Variants in HK1 observed in about 807,000 individuals in gnomAD.
HK1 encodes the protein hexokinase 1, also known as hexokinase-1.
HK1 carries 28 observed loss-of-function variants against 91.6 expected under a neutral mutation model. The observed-to-expected ratio is 0.31, with a 90% CI of 0.23 to 0.42. HK1 has a LOEUF of 0.42. Among genes scored for constraint, HK1 ranks in the 10% least tolerant of loss-of-function variants. The probability of loss-of-function intolerance (pLI) is 1.00; values close to 1 mark genes in which losing one functional copy is unlikely to be tolerated. For synonymous variants in HK1, 430 were observed against 468.1 expected (o/e 0.92, Z 1.05); for missense variants, 770 against 1,219.8 (o/e 0.63, Z 5.49).
chr10:69,384,619 G>T, intron 11 of HK1, 138 bp downstream of exon 11: 1 of 1,412,610 alleles, frequency 7.1e-7, no homozygotes, highest in Non-Finnish European at 1.0e-6. Context: ...GATGCTTTTT[G>T]CCATGCCTGG....
At chr10:69,330,672 G>GGT (rs1365105217) in intron 1 of HK1, among the ~76,000 whole-genome samples, 1 of 151,910 alleles carries the variant, frequency 6.6e-6, no homozygotes, top group African/African-American at 2.4e-5. Flanking sequence ...CATTCAAGAA[G>GGT]GTGTCTACCT....
In HK1 at chr10:69,327,000, C is replaced by CTTT. The variant is rs1042738695; in HGVS notation, c.63+8010_63+8012dup. Among the ~76,000 whole-genome samples the CTTT allele has an allele frequency of 3.0e-3, 328 of 110,904 alleles. 4 individuals are homozygous for CTTT. The highest frequency in any genetic ancestry group is 4.4e-3 in the Non-Finnish European group (236 of 54,142). The allele number at this position is 110,904 out of a possible 152,430, so 72.8% of individuals were successfully genotyped here. On this transcript the variant is annotated intron_variant, in intron 1 of 17. Transcript: ENST00000359426. ...TGGTATTGCTTTGTGTGGTTTTAAACTTTTTTTTTTTTTTTTTTTTTTGAG... is the reference window on the plus strand; with the variant it reads ...TGGTATTGCTTTGTGTGGTTTTAAACTTTTTTTTTTTTTTTTTTTTTTTTTGAG...
At chr10:69,319,814 C>T (rs1402288004) in intron 1 of HK1, among the ~76,000 whole-genome samples, 1 of 152,202 alleles carries the variant, frequency 6.6e-6, no homozygotes, top group Non-Finnish European at 1.5e-5. Context: ...GCTGGCAGGT[C>T]TTAAAGGTGT....
At chr10:69,348,415 A>G (rs1183359462) in intron 2 of HK1, among the ~76,000 whole-genome samples, 1 of 152,222 alleles carries the variant, frequency 6.6e-6, no homozygotes, top group Non-Finnish European at 1.5e-5. Flanking sequence ...TATCTCAAGT[A>G]TTCTCTCTAT....
intron 1 of HK1, among the ~76,000 whole-genome samples, chr10:69,334,826 T>C (rs992564315): frequency 1.3e-5 from 2 of 152,118 alleles, no homozygotes; most frequent in African/African-American, 4.8e-5. Flanking sequence ...CCCAGGCAGA[T>C]CGACTCCTAC....
chr10:69,385,722 C>A (rs1839601892), intron 12 of HK1, among the ~76,000 whole-genome samples: 1 of 152,176 alleles, frequency 6.6e-6, no homozygotes, highest in African/African-American at 2.4e-5. Context: ...ACCAGTTAAT[C>A]CAGTTACATC....
intron 4 of HK1, among the ~76,000 whole-genome samples, chr10:69,366,401 T>C (rs757207466): frequency 1.8e-4 from 28 of 152,164 alleles, no homozygotes; most frequent in Non-Finnish European, 3.8e-4. Context: ...CGTCCTTTCC[T>C]GGGCACTGCT....
chr10:69,274,925 G>A (rs1489431025), intron 1 of HK1, among the ~76,000 whole-genome samples: 1 of 151,994 alleles, frequency 6.6e-6, no homozygotes, highest in East Asian at 1.9e-4. Context: ...AACCCATGCC[G>A]AGACTCAACA....
chr10:69,319,294 C>T, intron 1 of HK1: 1 of 548,228 alleles, frequency 1.8e-6, no homozygotes, highest in Non-Finnish European at 3.3e-6. Flanking sequence ...AGATAGGCCC[C>T]CGGGCTGTGC....
At chr10:69,343,292 A>G (rs1034759337) in intron 1 of HK1, among the ~76,000 whole-genome samples, 2 of 152,202 alleles carry the variant, frequency 1.3e-5, no homozygotes, top group East Asian at 3.9e-4. Context: ...ACTGTGTTCT[A>G]AGTGCTTGTG....
chr10:69,338,959 A>T (rs1019364568), intron 1 of HK1, among the ~76,000 whole-genome samples: 3 of 152,126 alleles, frequency 2.0e-5, no homozygotes, highest in African/African-American at 7.2e-5. Flanking sequence ...GCAACTGGGC[A>T]GGAGAGATTT....
At chr10:69,390,292 A>G (rs1839838230) in intron 14 of HK1, among the ~76,000 whole-genome samples, 1 of 152,244 alleles carries the variant, frequency 6.6e-6, no homozygotes, top group Non-Finnish European at 1.5e-5. Context: ...AGAGTGACAC[A>G]GCAGCTCTCC....
chr10:69,359,065 A>G (rs1849286862), intron 2 of HK1, among the ~76,000 whole-genome samples: 1 of 151,986 alleles, frequency 6.6e-6, no homozygotes, highest in African/African-American at 2.4e-5. Context: ...TAAAAAAAAA[A>G]AGAGTAAAAT....
Position 69,380,316 on chromosome 10 carries a change from G to A in HK1, c.1265+221G>A, listed in dbSNP as rs966829411. Among the ~76,000 whole-genome samples the A allele has an allele frequency of 2.0e-5, 3 of 152,080 alleles. No individual in the cohort carries two copies. Among genetic ancestry groups the A allele is most frequent in the Non-Finnish European group, 2.9e-5 (2 of 68,014 alleles). Reference sequence around the variant, plus strand: ...CAACATAGTAAGACCTCATCTTTACGAAAAATTGAAAATAAATAAATAGAT... The same window carrying A: ...CAACATAGTAAGACCTCATCTTTACAAAAAATTGAAAATAAATAAATAGAT... On this transcript the variant is annotated intron_variant, in intron 9 of 17. Transcript: ENST00000359426. The surrounding 1 kb of genome is among the most constrained non-coding windows in gnomAD (Gnocchi z 4.0).
chr10:69,315,585 A>C (rs1846596957), upstream of HK1, among the ~76,000 whole-genome samples: 3 of 152,168 alleles, frequency 2.0e-5, no homozygotes, highest in Admixed American at 6.5e-5. Context: ...GGGATCTAAG[A>C]GCTATGCAAG....
intron 4 of HK1, among the ~76,000 whole-genome samples, chr10:69,298,081 G>T (rs1386472788): frequency 6.9e-6 from 1 of 144,982 alleles, no homozygotes; most frequent in Non-Finnish European, 1.5e-5. Flanking sequence ...CGTGGTGGCA[G>T]GCACCTGTAA....
intron 4 of HK1, among the ~76,000 whole-genome samples, chr10:69,297,071 A>G (rs1471174920): frequency 6.6e-6 from 1 of 152,180 alleles, no homozygotes; most frequent in African/African-American, 2.4e-5. Flanking sequence ...GAAAATCCAT[A>G]TATAACTTTC....
At chr10:69,346,655 C>G (rs1179335620) in intron 2 of HK1, among the ~76,000 whole-genome samples, 3 of 151,576 alleles carry the variant, frequency 2.0e-5, no homozygotes, top group Admixed American at 2.0e-4. Flanking sequence ...CGTGAGCCAC[C>G]TCACCTGGCC....
intron 5 of HK1, among the ~76,000 whole-genome samples, chr10:69,308,036 A>C (rs1846182898): frequency 6.6e-6 from 1 of 152,076 alleles, no homozygotes; most frequent in Non-Finnish European, 1.5e-5. Flanking sequence ...ACGGGGTTTC[A>C]TCATGATTGC....
Sources: gnomAD v4.1 joint callset for allele counts (sites outside exome capture counted in the v4.1 genomes callset) on GRCh38, gnomAD v4.1.1 for gene constraint, Gnocchi (gnomAD v3.1) non-coding constraint, MANE v1.5 for transcripts, NCBI Gene and HGNC (gene_info 2026-07-23, HGNC 2026-07-21) for gene names.